FRK: variants seen among roughly 807,000 people sequenced by gnomAD.
FRK encodes the protein fyn related Src family tyrosine kinase, also known as tyrosine-protein kinase FRK.
FRK carries 51 observed loss-of-function variants against 56.4 expected under a neutral mutation model. The observed-to-expected ratio is 0.90, with a 90% CI of 0.72 to 1.14. The LOEUF is 1.14. Ranked by LOEUF, FRK falls within the 50% of genes most tolerant of loss-of-function variation. The probability of loss-of-function intolerance (pLI) is 0.00; values close to 1 mark genes in which losing one functional copy is unlikely to be tolerated. For synonymous variants in FRK, 245 were observed against 217.9 expected, an observed-to-expected ratio of 1.12 and a Z score of -1.10; for missense variants, 570 against 601.4, an observed-to-expected ratio of 0.95 and a Z score of 0.55.
At chr6:115,974,558 C>G (rs752341816) in intron 2 of FRK, among the ~76,000 whole-genome samples, 18 of 152,006 alleles carry the variant, frequency 1.2e-4, no homozygotes, top group Non-Finnish European at 2.1e-4. Context: ...AGTATATAAC[C>G]AAAAACATGT....
the FRK span, among the ~76,000 whole-genome samples, chr6:116,079,404 GT>G: frequency 3.5e-5 from 5 of 142,132 alleles, no homozygotes; most frequent in Admixed American, 1.4e-4. Context: ...TGGGTTTTTT[GT>G]TTTTTTTTTC....
At chr6:116,087,839 A>T in the FRK span, among the ~76,000 whole-genome samples, 4 of 152,200 alleles carry the variant, frequency 2.6e-5, no homozygotes, top group Non-Finnish European at 4.4e-5. Context: ...CACAGCTCAT[A>T]CATGCTCATT....
chr6:115,998,537 C>T (rs1428476485), intron 2 of FRK, among the ~76,000 whole-genome samples: 1 of 152,214 alleles, frequency 6.6e-6, no homozygotes, highest in African/African-American at 2.4e-5. Flanking sequence ...CAACTCTGTG[C>T]ATTTGTCTTT....
intron 2 of FRK, among the ~76,000 whole-genome samples, chr6:115,973,328 T>C (rs865902723): frequency 1.3e-5 from 2 of 152,136 alleles, no homozygotes; most frequent in African/African-American, 2.4e-5. Context: ...AAACACCGCA[T>C]GTTCTCACTC....
At chr6:116,085,724 G>A in the FRK span, among the ~76,000 whole-genome samples, 1 of 152,176 alleles carries the variant, frequency 6.6e-6, no homozygotes, top group African/African-American at 2.4e-5. Flanking sequence ...GTGTGTGTGT[G>A]TGTGTGTGCA....
Position 115,938,966 on chromosome 6 carries a change from A to G in FRK, c.*3448T>C, listed in dbSNP as rs1191617495. ...AATAGGAAAAGAGGGACTCCTCCCT[A>G]ACTCATTTTATGAGGCCAGCATCAT... On this transcript the variant is annotated 3_prime_UTR_variant, in exon 8 of 8. Transcript: ENST00000606080. 1 of 152,176 alleles carries G rather than the reference A, an allele frequency of 6.6e-6. No homozygotes were observed. The highest frequency in any genetic ancestry group is 2.4e-5 in the African/African-American group (1 of 41,430). 9.4% of individuals were successfully genotyped at this position (152,176 alleles called of 1,614,324 possible).
At chr6:116,075,602 T>C in the FRK span, among the ~76,000 whole-genome samples, 19 of 152,258 alleles carry the variant, frequency 1.2e-4, no homozygotes, top group Admixed American at 4.6e-4. Flanking sequence ...ACGCTCTTCA[T>C]TGGGGTTCTT....
intron 1 of FRK, among the ~76,000 whole-genome samples, chr6:116,057,975 T>C (rs980690158): frequency 6.6e-6 from 1 of 152,162 alleles, no homozygotes; most frequent in African/African-American, 2.4e-5. Flanking sequence ...AACCACTACA[T>C]ACGAACATAA....
Position 115,991,103 on chromosome 6 carries a change from T to C in FRK, c.466+12774A>G, listed in dbSNP as rs1418193471. Among the ~76,000 whole-genome samples, 3 of 151,832 alleles carry C rather than the reference T, an allele frequency of 2.0e-5. No individual in the cohort carries two copies. The East Asian group carries it at 5.8e-4, about 29-fold the overall frequency. On this transcript the variant is annotated intron_variant, in intron 2 of 7. Coordinates refer to ENST00000606080, the MANE Select transcript of FRK (RefSeq NM_002031.3). ...TGTTTGTGTATAAAGATGCAACTAA[T>C]TTTTATATGTTAATTTTGTATCTGG...
At chr6:116,051,477 T>G (rs1777177624) in intron 1 of FRK, among the ~76,000 whole-genome samples, 1 of 152,182 alleles carries the variant, frequency 6.6e-6, no homozygotes, top group East Asian at 1.9e-4. Flanking sequence ...TATGACAGTA[T>G]CTGAATTTAT....
rs990388086 is a variant in FRK, at chr6:116,060,508, G to T, written c.-197C>A. 2 of 553,400 alleles carry T rather than the reference G, an allele frequency of 3.6e-6. No homozygotes were observed. The highest frequency in any genetic ancestry group is 5.1e-5 in the South Asian group (2 of 39,022). 34.3% of individuals were successfully genotyped at this position (553,400 alleles called of 1,614,324 possible). ...CCTACCTGGAGAGACTTACCGGCTTGCTTTCTGTGGCTGGAGGTGCTACCC... is the reference window on the plus strand; with the variant it reads ...CCTACCTGGAGAGACTTACCGGCTTTCTTTCTGTGGCTGGAGGTGCTACCC... On this transcript the variant is annotated 5_prime_UTR_variant, in exon 1 of 8. Transcript: ENST00000606080.
intron 1 of FRK, among the ~76,000 whole-genome samples, chr6:116,038,390 C>T (rs1461763734): frequency 6.6e-6 from 1 of 152,002 alleles, no homozygotes; most frequent in Non-Finnish European, 1.5e-5. Flanking sequence ...TAAAACTCCA[C>T]ATATGTTCTA....
intron 6 of FRK, 48 bp downstream of exon 6, chr6:115,944,196 A>G (rs1044827598): frequency 3.4e-6 from 5 of 1,465,116 alleles, no homozygotes; most frequent in Non-Finnish European, 4.7e-6. Flanking sequence ...ACTAACTGTT[A>G]GACTTTTGAC....
chr6:116,026,406 C>T (rs1776088768), intron 1 of FRK, among the ~76,000 whole-genome samples: 1 of 151,548 alleles, frequency 6.6e-6, no homozygotes, highest in Non-Finnish European at 1.5e-5. Flanking sequence ...CAAGGCAAAA[C>T]CCTTCAGGAT....
rs140632741 is a variant in FRK, at chr6:115,949,292, T to C, written c.959-4867A>G. ...ACCTTTATTTCTTTCTCTTGCCTGA[T>C]TGTCCTGGCCAGAACTTCCAATACT... On this transcript the variant is annotated intron_variant, in intron 5 of 7. Transcript: ENST00000606080. Among the ~76,000 whole-genome samples, 446 of 152,302 alleles carry C rather than the reference T, an allele frequency of 2.9e-3. 4 individuals are homozygous for C. Among genetic ancestry groups the C allele is most frequent in the African/African-American group, 9.7e-3 (405 of 41,576 alleles).
rs190219935 is a variant in FRK at position 115,949,170 on chromosome 6, T to C, written c.959-4745A>G. On this transcript the variant is annotated intron_variant, in intron 5 of 7. Transcript: ENST00000606080. ...ACTTTGCTGAAGTTGTTTATCAGCT[T>C]AAGGAGTTTTTGGGCTGAGACAATG... 3.9e-3 allele frequency among the ~76,000 whole-genome samples: 601 copies of C among 152,312 alleles called. 4 individuals are homozygous for C. Among genetic ancestry groups the C allele is most frequent in the Admixed American group, 7.3e-3 (112 of 15,292 alleles).
At position 116,060,431 on chromosome 6, in the gene FRK, G is replaced by A. The variant is rs1777586741; in HGVS notation, c.-120C>T. ...CAGCACCAACTCACCATACTTCGGA[G>A]AGTATGCAAAGTCCCGTTTCAGATC... On this transcript the variant is annotated 5_prime_UTR_variant, in exon 1 of 8. Coordinates refer to ENST00000606080, the MANE Select transcript of FRK (RefSeq NM_002031.3). The A allele has an allele frequency of 1.3e-6, 1 of 747,216 alleles. No individual in the cohort carries two copies. The highest frequency in any genetic ancestry group is 2.2e-6 in the Non-Finnish European group (1 of 458,244). 46.3% of individuals were successfully genotyped at this position (747,216 alleles called of 1,614,324 possible).
At chr6:116,038,761 G>A (rs757698887) in intron 1 of FRK, 2 of 487,732 alleles carry the variant, frequency 4.1e-6, no homozygotes, top group East Asian at 5.6e-5. Flanking sequence ...GCGCCATGGC[G>A]ACCTCCAGGA....
At chr6:116,054,399 AT>A (rs1021989421) in intron 1 of FRK, among the ~76,000 whole-genome samples, 12 of 146,070 alleles carry the variant, frequency 8.2e-5, no homozygotes, top group East Asian at 2.0e-4. Context: ...TTTATAGTGT[AT>A]TTTTTATAAA....
Sources: gnomAD v4.1 joint callset for allele counts (sites outside exome capture counted in the v4.1 genomes callset) on GRCh38, gnomAD v4.1.1 for gene constraint, MANE v1.5 for transcripts, NCBI Gene and HGNC (gene_info 2026-07-23, HGNC 2026-07-21) for gene names.